SAMD14: variants seen among roughly 807,000 people sequenced by gnomAD.
SAMD14 encodes the protein sterile alpha motif domain-containing protein 14.
SAMD14 carries 27 observed loss-of-function variants against 46.2 expected under a neutral mutation model. The observed-to-expected ratio is 0.58, with a 90% CI of 0.43 to 0.81. The LOEUF (loss-of-function observed/expected upper bound fraction) is 0.81. Among genes scored for constraint, SAMD14 ranks in the 30% least tolerant of loss-of-function variants. SAMD14 has a pLI of 0.00. For missense variants in SAMD14, 559 were observed against 582.2 expected, an observed-to-expected ratio of 0.96 and a Z score of 0.41; for synonymous variants, 241 against 254.3, an observed-to-expected ratio of 0.95 and a Z score of 0.50.
At chr17:50,122,349 CAA>C (rs995522471) in intron 2 of SAMD14, among the ~76,000 whole-genome samples, 13 of 152,206 alleles carry the variant, frequency 8.5e-5, no homozygotes, top group African/African-American at 3.1e-4. Flanking sequence ...AGTGTTGAAG[CAA>C]AGTCACACTT....
chr17:50,115,693 C>G lies in SAMD14; in HGVS notation c.693G>C (p.Gly231=). The change falls in exon 7 of 10, where the codon GGG becomes GGC. Residue 231 remains glycine, a synonymous_variant. Transcript: ENST00000330175. The surrounding 1 kb of genome is among the most constrained non-coding windows in gnomAD (Gnocchi z 5.3). ...AGGAAAAAGGCAGGAACGGGGAGCC[C>G]CCTGACCTGCCGGACCCCTCCACTG... ...RESVEGSGRS[G]GSPFLPFSWF... is the part of the protein sequence containing the mutation. 1.9e-6 allele frequency: 3 copies of G among 1,605,916 alleles called. 1 individual carries two copies. Among genetic ancestry groups the G allele is most frequent in the Non-Finnish European group, 2.6e-6 (3 of 1,174,656 alleles).
At chr17:50,118,128 G>T in intron 3 of SAMD14, 33 bp downstream of exon 3, 1 of 1,540,142 alleles carries the variant, frequency 6.5e-7, no homozygotes, top group Non-Finnish European at 8.8e-7. Flanking sequence ...AGGGGTGGGA[G>T]GGTGTATATG....
chr17:50,114,407 T>G (rs770277039), intron 7 of SAMD14, 101 bp from the exon 8 acceptor site: 36 of 1,613,820 alleles, frequency 2.2e-5, no homozygotes, highest in Non-Finnish European at 2.9e-5. Context: ...CAGGAGTTGC[T>G]CAGTGCCTCC....
At chr17:50,128,126 GTGT>G (rs1166615211) in intron 1 of SAMD14, among the ~76,000 whole-genome samples, 6 of 152,314 alleles carry the variant, frequency 3.9e-5, no homozygotes, top group African/African-American at 1.4e-4. Flanking sequence ...GAGGGCAGTA[GTGT>G]TGTCTCCTTT....
intron 2 of SAMD14, among the ~76,000 whole-genome samples, chr17:50,122,946 G>A (rs1911572755): frequency 6.6e-6 from 1 of 152,000 alleles, no homozygotes; most frequent in Admixed American, 6.6e-5. Context: ...TCCAGCCCCT[G>A]GGGCTGAGCT....
At chr17:50,122,632 C>T (rs1911554965) in intron 2 of SAMD14, among the ~76,000 whole-genome samples, 1 of 152,092 alleles carries the variant, frequency 6.6e-6, no homozygotes, top group South Asian at 2.1e-4. Flanking sequence ...AAGGACAGAG[C>T]CTGATGCATA....
At position 50,124,932 on chromosome 17, in the gene SAMD14, C is replaced by T. The variant is rs376313367; in HGVS notation, c.28G>A (p.Val10Met). Reference protein sequence around the residue: MASSKLREPVDEVFDLDLAV... With the variant: MASSKLREPMDEVFDLDLAV... ...CAGAACTTACCAAAAACTTCATCCA[C>T]GGGTTCTCGGAGCTTTGAAGAAGCC... Residue 10 changes from valine (V) to methionine (M), a missense_variant, in exon 2 of 10, where the codon GTG becomes ATG. By Grantham distance (21) the Val-to-Met change is conservative. Transcript: ENST00000330175. The T allele has an allele frequency of 6.6e-5, 107 of 1,613,912 alleles. No individual in the cohort carries two copies. In the South Asian group the frequency reaches 1.0e-3, roughly 15 times the overall value.
intron 2 of SAMD14, 118 bp from the exon 3 acceptor site, chr17:50,118,445 T>G (rs1911352654): frequency 8.1e-7 from 1 of 1,229,160 alleles, no homozygotes; most frequent in South Asian, 1.4e-5. Context: ...TGTTCTTGAG[T>G]GCTGGGAGCA....
At chr17:50,114,406 C>T (rs1911066008) in intron 7 of SAMD14, 100 bp from the exon 8 acceptor site, 1 of 1,613,962 alleles carries the variant, frequency 6.2e-7, no homozygotes, top group East Asian at 2.2e-5. Flanking sequence ...CCAGGAGTTG[C>T]TCAGTGCCTC....
At position 50,110,314 on chromosome 17, in the gene SAMD14, G is replaced by T. The variant is rs1910764937; in HGVS notation, c.*2579C>A. ...CCTCGGTGGCCTCCCTATCTCTGTG[G>T]GCGATGCCTGAGGGTTAGGGATGTC... On this transcript the variant is annotated 3_prime_UTR_variant, in exon 10 of 10. Transcript: ENST00000330175. The T allele has an allele frequency of 2.2e-6, 1 of 448,208 alleles. No homozygotes were observed. Among genetic ancestry groups the T allele is most frequent in the Middle Eastern group, 5.9e-4 (1 of 1,696 alleles). The allele number at this position is 448,208 out of a possible 1,614,324, so 27.8% of individuals were successfully genotyped here.
At chr17:50,124,055 G>A in intron 2 of SAMD14, 1 of 455,928 alleles carries the variant, frequency 2.2e-6, no homozygotes, top group Non-Finnish European at 4.4e-6. Context: ...TCTGGCATAG[G>A]AGCCCCTCGA....
rs765569357 is a variant in SAMD14, at chr17:50,117,525, G to A, written c.381C>T (p.Asn127=). 2.9e-5 allele frequency: 45 copies of A among 1,526,438 alleles called. No individual in the cohort carries two copies. The highest frequency in any genetic ancestry group is 3.9e-5 in the Non-Finnish European group (45 of 1,147,608). 94.6% of individuals were successfully genotyped at this position (1,526,438 alleles called of 1,614,324 possible). ...SPLTRYRPLH[N]AASHEGLAAA... is the part of the protein sequence containing the mutation. ...CGGCCAGGCCCTCGTGCGACGCAGCGTTGTGCAGGGGCCGGTAGCGTGTGA... is the reference window on the plus strand; with the variant it reads ...CGGCCAGGCCCTCGTGCGACGCAGCATTGTGCAGGGGCCGGTAGCGTGTGA... The change falls in exon 4 of 10, where the codon AAC becomes AAT. Residue 127 remains asparagine (N), a synonymous_variant. Coordinates refer to ENST00000330175, the MANE Select transcript of SAMD14 (RefSeq NM_001257359.2).
chr17:50,120,090 G>A (rs764972393), intron 2 of SAMD14, among the ~76,000 whole-genome samples: 1 of 152,200 alleles, frequency 6.6e-6, no homozygotes, highest in Non-Finnish European at 1.5e-5. Context: ...CAGGGCAATA[G>A]GGGGAGGGCG....
Position 50,110,154 on chromosome 17 carries a change from C to T in SAMD14, c.*2739G>A, listed in dbSNP as rs916779669. On this transcript the variant is annotated 3_prime_UTR_variant, in exon 10 of 10. Transcript: ENST00000330175. ...GACTGCCGCCTCTGGGTCCCCCCAC[C>T]GTGGTGCCCCTCACCATCCTCCTGG... The T allele has an allele frequency of 2.3e-5, 35 of 1,503,980 alleles. No individual in the cohort carries two copies. Among genetic ancestry groups the T allele is most frequent in the African/African-American group, 9.6e-5 (7 of 72,630 alleles). The allele number at this position is 1,503,980 out of a possible 1,614,324, so 93.2% of individuals were successfully genotyped here. A position where few individuals can be genotyped will look rare whatever the true frequency, so the allele number is the denominator to read the frequency against.
intron 2 of SAMD14, chr17:50,123,958 G>A: frequency 2.5e-6 from 1 of 400,710 alleles, no homozygotes; most frequent in South Asian, 1.8e-5. Flanking sequence ...TAGGGGAGCT[G>A]GAGGAGACTG....
chr17:50,114,251 C>T lies in SAMD14; in HGVS notation c.878G>A (p.Ser293Asn), dbSNP rs374517542. Residue 293 changes from serine (S) to asparagine (N), a missense_variant, in exon 8 of 10, where the codon AGT becomes AAT. By Grantham distance (46) the Ser-to-Asn change is conservative. Transcript: ENST00000330175. ...ACATTTGGCCTCCTGCCAGGGCCCACTGGGGATCTTGGGGCTGCTGCTGGG... is the reference window on the plus strand; with the variant it reads ...ACATTTGGCCTCCTGCCAGGGCCCATTGGGGATCTTGGGGCTGCTGCTGGG... ...TPPSSSPKIP[S>N]GPWQEAKCSY... The T allele has an allele frequency of 4.3e-5, 69 of 1,613,992 alleles. No individual in the cohort carries two copies. The highest frequency in any genetic ancestry group is 5.3e-5 in the Non-Finnish European group (63 of 1,180,030).
intron 2 of SAMD14, 146 bp downstream of exon 2, chr17:50,124,771 G>GCGCGCGCACACACA (rs71353620): frequency 8.8e-5 from 50 of 569,558 alleles, no homozygotes; most frequent in Non-Finnish European, 1.2e-4. Flanking sequence ...ACGCGCGCGC[G>GCGCGCGCACACACA]CACACACACA....
intron 2 of SAMD14, among the ~76,000 whole-genome samples, chr17:50,119,688 T>A (rs887087704): frequency 6.6e-6 from 1 of 152,094 alleles, no homozygotes; most frequent in Admixed American, 6.5e-5. Flanking sequence ...CTTGACTCAG[T>A]GAAAAGCCCC....
chr17:50,117,851 G>T lies in SAMD14; in HGVS notation c.211-156C>A, dbSNP rs191314496. ...TTAGGCAGCGGGGTGGCTGGAGAGT[G>T]AGAGGTGGGAAACAGGAACTTTGAG... On this transcript the variant is annotated intron_variant, in intron 3 of 9. Transcript: ENST00000330175. 213 of 796,930 alleles carry T rather than the reference G, an allele frequency of 2.7e-4. 1 individual carries two copies. In the African/African-American group the frequency reaches 3.3e-3, roughly 12 times the overall value. The allele number at this position is 796,930 out of a possible 1,614,324, so 49.4% of individuals were successfully genotyped here.
Sources: allele counts gnomAD v4.1 joint callset (sites outside exome capture counted in the v4.1 genomes callset), GRCh38; gene constraint gnomAD v4.1.1; non-coding constraint Gnocchi (gnomAD v3.1); transcripts MANE v1.5; gene names NCBI Gene and HGNC (gene_info 2026-07-23, HGNC 2026-07-21).